CSMD1: variants seen among roughly 807,000 people sequenced by gnomAD.
CSMD1 encodes the protein CUB and sushi domain-containing protein 1.
Under a neutral mutation model 417.5 loss-of-function variants are expected in CSMD1, and 213 were observed. That is an observed-to-expected ratio of 0.51 (90% CI 0.46 to 0.57). CSMD1 has a LOEUF of 0.57. Among genes scored for constraint, CSMD1 ranks in the 20% least tolerant of loss-of-function variants. The probability of loss-of-function intolerance (pLI) is 0.00; values close to 1 mark genes in which losing one functional copy is unlikely to be tolerated. For synonymous variants in CSMD1, 2,862 were observed against 1,736.8 expected (o/e 1.65, Z -16.11); for missense variants, 6,923 against 4,529.7 (o/e 1.53, Z -15.17).
intron 2 of CSMD1, among the ~76,000 whole-genome samples, chr8:4,441,862 G>T (rs147576587): frequency 1.3e-5 from 2 of 152,080 alleles, no homozygotes; most frequent in Admixed American, 6.5e-5. Context: ...ATTCCAGAAA[G>T]ATTTGAGTTA....
chr8:4,613,277 G>A (rs1048759572), intron 2 of CSMD1, among the ~76,000 whole-genome samples: 6 of 152,138 alleles, frequency 3.9e-5, no homozygotes, highest in Non-Finnish European at 5.9e-5. Flanking sequence ...GCCAAGGCAC[G>A]CCATCCATGC....
chr8:4,350,746 A>C (rs940537695), intron 3 of CSMD1, among the ~76,000 whole-genome samples: 1 of 152,174 alleles, frequency 6.6e-6, no homozygotes, highest in African/African-American at 2.4e-5. Flanking sequence ...TCTTCTCTAA[A>C]TCCAGTGGCA....
At chr8:3,447,534 C>T (rs933044877) in intron 12 of CSMD1, among the ~76,000 whole-genome samples, 1 of 152,140 alleles carries the variant, frequency 6.6e-6, no homozygotes, top group Non-Finnish European at 1.5e-5. Flanking sequence ...TGGTGTGGGA[C>T]AGGTGGCACC....
chr8:4,866,428 G>GAT (rs1802422614), intron 1 of CSMD1, among the ~76,000 whole-genome samples: 1 of 151,868 alleles, frequency 6.6e-6, no homozygotes, highest in Non-Finnish European at 1.5e-5. Context: ...AGATAATCTT[G>GAT]ATAAAAGAAG....
chr8:4,058,129 T>G (rs112314098), intron 3 of CSMD1, among the ~76,000 whole-genome samples: 4,385 of 152,246 alleles, frequency 0.029, 208 homozygotes, highest in African/African-American at 0.099. Flanking sequence ...TTGGGCAGCA[T>G]GGCCATTTTC....
chr8:4,066,253 C>G (rs1035634), intron 3 of CSMD1, among the ~76,000 whole-genome samples: 4 of 152,098 alleles, frequency 2.6e-5, no homozygotes, highest in African/African-American at 7.2e-5. Flanking sequence ...CCTGTTCCCA[C>G]TGCACCTCTG....
At chr8:3,745,094 T>C (rs758365365) in intron 6 of CSMD1, among the ~76,000 whole-genome samples, 27 of 152,232 alleles carry the variant, frequency 1.8e-4, no homozygotes, top group Non-Finnish European at 2.5e-4. Flanking sequence ...AGCTGAATTG[T>C]AGCCCTAGAT....
chr8:3,641,421 C>T (rs1797303708), intron 7 of CSMD1, among the ~76,000 whole-genome samples: 1 of 152,126 alleles, frequency 6.6e-6, no homozygotes, highest in South Asian at 2.1e-4. Context: ...AAATTGGGTT[C>T]TTCTTATAAC....
rs1364235225 is a variant in CSMD1, at chr8:4,013,483, G to C, written c.611-15373C>G. Among the ~76,000 whole-genome samples the C allele has an allele frequency of 2.6e-5, 4 of 152,124 alleles. No individual in the cohort carries two copies. The South Asian group carries it at 6.2e-4, about 24-fold the overall frequency. Reference sequence around the variant, plus strand: ...CAGGACATGGGATCTTAGGTGATAAGACCAGGAGAGTCCTGTCCAGGCAGT... The same window carrying C: ...CAGGACATGGGATCTTAGGTGATAACACCAGGAGAGTCCTGTCCAGGCAGT... On this transcript the variant is annotated intron_variant, in intron 4 of 69. Coordinates refer to ENST00000635120, the MANE Select transcript of CSMD1 (RefSeq NM_033225.6).
rs896761679 is a variant in CSMD1 at position 3,574,829 on chromosome 8, A to T, written c.1344+116T>A. On this transcript the variant is annotated intron_variant, in intron 10 of 69. Transcript: ENST00000635120. ...GACACAGGATGCAGCTGGAACTTTT[A>T]AATTCAAACAGTAAAGTGTAAGCAC... The T allele has an allele frequency of 4.3e-5, 53 of 1,243,252 alleles. No homozygotes were observed. In the African/African-American group the frequency reaches 7.3e-4, roughly 17 times the overall value. The allele number at this position is 1,243,252 out of a possible 1,614,324, so 77.0% of individuals were successfully genotyped here.
chr8:4,461,792 G>A (rs566290759), intron 2 of CSMD1, among the ~76,000 whole-genome samples: 49 of 147,350 alleles, frequency 3.3e-4, no homozygotes, highest in African/African-American at 1.1e-3. Context: ...CCAGGCTGGA[G>A]TGCAGTAGTA....
At chr8:4,166,948 G>C (rs578153337) in intron 3 of CSMD1, among the ~76,000 whole-genome samples, 166 of 152,292 alleles carry the variant, frequency 1.1e-3, no homozygotes, top group Non-Finnish European at 2.0e-3. Flanking sequence ...TGGCCACCAT[G>C]TCAGACAGCA....
chr8:4,106,702 G>C (rs1222154190), intron 3 of CSMD1, among the ~76,000 whole-genome samples: 1 of 152,042 alleles, frequency 6.6e-6, no homozygotes, highest in Admixed American at 6.6e-5. Context: ...AAGTCTTTAA[G>C]ATCTGATGTG....
intron 41 of CSMD1, among the ~76,000 whole-genome samples, chr8:3,126,856 A>G (rs933790097): frequency 6.6e-6 from 1 of 152,182 alleles, no homozygotes; most frequent in Non-Finnish European, 1.5e-5. Flanking sequence ...CAGCCTGCAC[A>G]TGAAACGTGC....
intron 2 of CSMD1, among the ~76,000 whole-genome samples, chr8:4,442,625 T>G (rs991177330): frequency 1.3e-5 from 2 of 152,196 alleles, no homozygotes; most frequent in African/African-American, 4.8e-5. Flanking sequence ...GCAAGCCCTC[T>G]GGATTGCTGG....
chr8:4,194,215 T>A (rs1016577772), intron 3 of CSMD1, among the ~76,000 whole-genome samples: 1 of 152,172 alleles, frequency 6.6e-6, no homozygotes, highest in African/African-American at 2.4e-5. Context: ...ATTTCTTTCG[T>A]CCAGCAATCA....
At position 4,994,219 on chromosome 8, in the gene CSMD1, C is replaced by A. The variant is rs899796790; in HGVS notation, c.85+113G>T. ...CCGAGCTTCGGCGATGGAGCAGCGC[C>A]GGGCAGAGGCGGCCACTCCGTACCC... is the stretch of plus-strand genomic sequence containing the variant. On this transcript the variant is annotated intron_variant, in intron 1 of 69. Coordinates refer to ENST00000635120, the MANE Select transcript of CSMD1 (RefSeq NM_033225.6). The A allele has an allele frequency of 4.2e-5, 37 of 886,712 alleles. No individual in the cohort carries two copies. The East Asian group carries it at 5.4e-4, about 13-fold the overall frequency. The allele number at this position is 886,712 out of a possible 1,614,324, so 54.9% of individuals were successfully genotyped here.
chr8:4,436,987 C>T (rs2043118), intron 2 of CSMD1, among the ~76,000 whole-genome samples: 4 of 152,132 alleles, frequency 2.6e-5, no homozygotes, highest in East Asian at 3.9e-4. Flanking sequence ...ATTTCTTGCT[C>T]AGCTTTCTAG....
intron 10 of CSMD1, among the ~76,000 whole-genome samples, chr8:3,539,099 C>A (rs1466974971): frequency 6.6e-6 from 1 of 152,204 alleles, no homozygotes; most frequent in East Asian, 1.9e-4. Context: ...GCCCCAGTCC[C>A]TTTCCCTGCA....
Sources: gnomAD v4.1 joint callset for allele counts (sites outside exome capture counted in the v4.1 genomes callset) on GRCh38, gnomAD v4.1.1 for gene constraint, MANE v1.5 for transcripts, NCBI Gene and HGNC (gene_info 2026-07-23, HGNC 2026-07-21) for gene names.